NCAM1: variants seen among roughly 807,000 people sequenced by gnomAD.
NCAM1 encodes the protein antigen recognized by monoclonal antibody 5.1H11.
In NCAM1, 14 loss-of-function variants were observed where a neutral mutation model predicts 109.8. That is an observed-to-expected ratio of 0.13 (90% CI 0.08 to 0.20). The LOEUF (loss-of-function observed/expected upper bound fraction) is 0.20, where lower values mean the gene tolerates loss of function less well. NCAM1 is among the 10% of genes least tolerant of loss of function. The pLI is 1.00. For synonymous variants in NCAM1, 418 were observed against 442.9 expected, an observed-to-expected ratio of 0.94 and a Z score of 0.70; for missense variants, 774 against 1,109.9, an observed-to-expected ratio of 0.70 and a Z score of 4.30.
At chr11:113,068,212 C>T (rs1379878697) in intron 1 of NCAM1, among the ~76,000 whole-genome samples, 1 of 152,034 alleles carries the variant, frequency 6.6e-6, no homozygotes, top group Non-Finnish European at 1.5e-5. Flanking sequence ...TGCCGGGCCT[C>T]ATATACCAAG....
At chr11:113,022,320 C>T (rs969628773) in intron 1 of NCAM1, among the ~76,000 whole-genome samples, 2 of 152,146 alleles carry the variant, frequency 1.3e-5, no homozygotes, top group Non-Finnish European at 2.9e-5. Context: ...CATTTCTGAA[C>T]AGCACCATCA....
chr11:113,200,401 A>C (rs1270664470), intron 1 of NCAM1, among the ~76,000 whole-genome samples: 1 of 152,198 alleles, frequency 6.6e-6, no homozygotes, highest in Non-Finnish European at 1.5e-5. Context: ...GCCCTTATCA[A>C]TTCATGGGCT....
At chr11:113,125,478 G>A (rs1055342622) in intron 1 of NCAM1, among the ~76,000 whole-genome samples, 10 of 152,060 alleles carry the variant, frequency 6.6e-5, no homozygotes, top group Admixed American at 2.6e-4. Context: ...TCGCCCTTAC[G>A]TTTTGATTAT....
At chr11:113,145,987 A>C (rs1377348232) in intron 1 of NCAM1, among the ~76,000 whole-genome samples, 1 of 152,208 alleles carries the variant, frequency 6.6e-6, no homozygotes, top group East Asian at 1.9e-4. Flanking sequence ...AATTGCTCAT[A>C]ATCTGGCTTA....
intron 1 of NCAM1, among the ~76,000 whole-genome samples, chr11:113,107,678 A>G (rs1315693804): frequency 1.3e-5 from 2 of 152,168 alleles, no homozygotes; most frequent in Non-Finnish European, 2.9e-5. Flanking sequence ...CCACGAGGAC[A>G]GTATGGAGGA....
chr11:113,109,093 A>G (rs1458503040), intron 1 of NCAM1, among the ~76,000 whole-genome samples: 1 of 146,934 alleles, frequency 6.8e-6, no homozygotes, highest in Non-Finnish European at 1.5e-5. Context: ...CATGCCTGTA[A>G]TCCCAGCACT....
chr11:112,987,764 A>G (rs1951346190), intron 1 of NCAM1, among the ~76,000 whole-genome samples: 1 of 151,666 alleles, frequency 6.6e-6, no homozygotes, highest in Non-Finnish European at 1.5e-5. Context: ...CTTCAGTTTT[A>G]TTCTATGTTT....
At chr11:113,143,756 A>G (rs1941916658) in intron 1 of NCAM1, among the ~76,000 whole-genome samples, 1 of 152,196 alleles carries the variant, frequency 6.6e-6, no homozygotes, top group Non-Finnish European at 1.5e-5. Flanking sequence ...TTTAGTCCTG[A>G]TAAAAACTGT....
intron 14 of NCAM1, chr11:113,246,060 T>G: frequency 2.2e-6 from 1 of 462,946 alleles, no homozygotes; most frequent in African/African-American, 1.9e-5. Flanking sequence ...CCGTAGCTAA[T>G]GCTTATTGGT....
At chr11:113,069,737 T>C (rs530307633) in intron 1 of NCAM1, among the ~76,000 whole-genome samples, 2 of 152,344 alleles carry the variant, frequency 1.3e-5, no homozygotes, top group African/African-American at 4.8e-5. Context: ...AGATTCTTAA[T>C]ATGCAGGATT....
chr11:113,106,584 C>T (rs188397115), intron 1 of NCAM1, among the ~76,000 whole-genome samples: 193 of 152,196 alleles, frequency 1.3e-3, no homozygotes, highest in African/African-American at 4.4e-3. Flanking sequence ...TCCACTAAGA[C>T]AAAACAAAGA....
chr11:113,132,603 CAT>C (rs1491486711), intron 1 of NCAM1, among the ~76,000 whole-genome samples: 44 of 108,744 alleles, frequency 4.0e-4, no homozygotes, highest in African/African-American at 1.8e-3. Flanking sequence ...TATTAGGAAG[CAT>C]GTGTGTGTGT....
intron 14 of NCAM1, chr11:113,240,612 C>T (rs1434736338): frequency 4.6e-6 from 3 of 652,738 alleles, no homozygotes; most frequent in Non-Finnish European, 2.7e-6. Flanking sequence ...AGAGAGAGCC[C>T]TGCTCCTCGC....
chr11:112,970,220 A>G (rs1201562902), intron 1 of NCAM1, among the ~76,000 whole-genome samples: 7 of 152,208 alleles, frequency 4.6e-5, no homozygotes, highest in African/African-American at 1.7e-4. Context: ...TTAAGAGGAT[A>G]GTTAACAATA....
intron 1 of NCAM1, among the ~76,000 whole-genome samples, chr11:113,066,960 C>T (rs1257939690): frequency 1.3e-5 from 2 of 148,596 alleles, no homozygotes; most frequent in African/African-American, 2.5e-5. Context: ...GCCGAGATCC[C>T]GCCACTGCAC....
intron 17 of NCAM1, among the ~76,000 whole-genome samples, chr11:113,260,984 G>A (rs1413646624): frequency 6.6e-6 from 1 of 152,182 alleles, no homozygotes; most frequent in Non-Finnish European, 1.5e-5. Context: ...TGTCTCCAGG[G>A]ATCCAAGACC....
chr11:113,256,043 C>A (rs1257602523), intron 16 of NCAM1, 42 bp downstream of exon 16: 3 of 1,568,942 alleles, frequency 1.9e-6, no homozygotes, highest in Non-Finnish European at 2.6e-6. Flanking sequence ...ACCCTGCAAC[C>A]CTGGCACCCA....
intron 1 of NCAM1, among the ~76,000 whole-genome samples, chr11:112,989,135 G>A (rs1951394615): frequency 6.6e-6 from 1 of 152,080 alleles, no homozygotes; most frequent in Admixed American, 6.6e-5. Context: ...CATTAATCTA[G>A]ATGTGTGTAC....
intron 1 of NCAM1, among the ~76,000 whole-genome samples, chr11:113,155,920 C>T (rs1555103399): frequency 6.6e-6 from 1 of 152,114 alleles, no homozygotes. Flanking sequence ...GAAGACTCTT[C>T]TGTCTCCACA....
Sources: gnomAD v4.1 joint callset for allele counts (sites outside exome capture counted in the v4.1 genomes callset) on GRCh38, gnomAD v4.1.1 for gene constraint, MANE v1.5 for transcripts, NCBI Gene and HGNC (gene_info 2026-07-23, HGNC 2026-07-21) for gene names.